The following TBXA2R variants were observed in gnomAD, a reference collection of about 807,000 sequenced individuals.
TBXA2R encodes prostanoid TP receptor.
A neutral mutation model predicts 15.6 loss-of-function variants in TBXA2R; 15 were observed. The observed-to-expected ratio is 0.96, with a 90% CI of 0.64 to 1.48. The LOEUF (loss-of-function observed/expected upper bound fraction) is 1.48. Ranked by LOEUF, TBXA2R falls within the 40% of genes most tolerant of loss-of-function variation. The probability of loss-of-function intolerance (pLI) is 0.00; values close to 1 mark genes in which losing one functional copy is unlikely to be tolerated. For synonymous variants in TBXA2R, 280 were observed against 241.2 expected (o/e 1.16, Z -1.49); for missense variants, 506 against 491.4 (o/e 1.03, Z -0.28).
Position 3,597,231 on chromosome 19 carries a change from C to T in TBXA2R, c.787-1298G>A, listed in dbSNP as rs547787878. 1.5e-3 allele frequency among the ~76,000 whole-genome samples: 230 copies of T among 151,256 alleles called. 3 individuals are homozygous for T. The South Asian group carries it at 0.023, about 15-fold the overall frequency. ...TGCTGGGATTACAGGCATGAGCCAC[C>T]GCGCCTGGCAGGAAATTTTTAAACT... On this transcript the variant is annotated intron_variant, in intron 2 of 2. Coordinates refer to ENST00000375190, the MANE Select transcript of TBXA2R (RefSeq NM_001060.6).
Position 3,595,677 on chromosome 19 carries a change from C to G in TBXA2R, c.*11G>C, listed in dbSNP as rs201311763. The G allele has an allele frequency of 6.4e-7, 1 of 1,572,330 alleles. No homozygotes were observed. Among genetic ancestry groups the G allele is most frequent in the Non-Finnish European group, 8.6e-7 (1 of 1,158,432 alleles). On this transcript the variant is annotated 3_prime_UTR_variant, in exon 3 of 3. Coordinates refer to ENST00000375190, the MANE Select transcript of TBXA2R (RefSeq NM_001060.6). ...CGCGGAAAGGCGCGGGAGGGGCGCT[C>G]TGTCCACTTCCTACTGCAGCCCGGA...
In TBXA2R at chr19:3,599,856, G is replaced by A. The variant is rs1407293717; in HGVS notation, c.779C>T (p.Pro260Leu). 5.8e-6 allele frequency: 9 copies of A among 1,548,936 alleles called. No homozygotes were observed. In the Admixed American group the frequency reaches 5.9e-5, roughly 10 times the overall value. ...IMVVASVCWL[P>L]LLVFIAQTVL... ...CGCAGAGCCCCTACTCACCAGAAGG[G>A]GCAGCCAACACACGCTGGCCACCAC... The change falls in exon 2 of 3, where the codon CCC becomes CTC. Residue 260 changes from proline (P) to leucine (L), a missense_variant. Transcript: ENST00000375190.
rs2032577366 is a variant in TBXA2R at position 3,595,375 on chromosome 19, T to A, written c.*313A>T. 7.3e-7 allele frequency: 1 copy of A among 1,369,794 alleles called. No homozygotes were observed. The highest frequency in any genetic ancestry group is 1.5e-5 in the African/African-American group (1 of 68,456). 84.9% of individuals were successfully genotyped at this position (1,369,794 alleles called of 1,614,324 possible). A position where few individuals can be genotyped will look rare whatever the true frequency, so the allele number is the denominator to read the frequency against. ...GCCTGGGGGACAGAGCAAGACTCCG[T>A]CTAAAAAAAAAAATAGCAATGCAAG... On this transcript the variant is annotated 3_prime_UTR_variant, in exon 3 of 3. Coordinates refer to ENST00000375190, the MANE Select transcript of TBXA2R (RefSeq NM_001060.6).
Position 3,598,345 on chromosome 19 carries a change from C to CTTT in TBXA2R, c.786+1501_786+1503dup, listed in dbSNP as rs1300020033. Among the ~76,000 whole-genome samples, 287 of 115,362 alleles carry CTTT rather than the reference C, an allele frequency of 2.5e-3. 14 individuals carry two copies. Among genetic ancestry groups the CTTT allele is most frequent in the African/African-American group, 7.9e-3 (218 of 27,762 alleles). 75.7% of individuals were successfully genotyped at this position (115,362 alleles called of 152,430 possible). A position where few individuals can be genotyped will look rare whatever the true frequency, so the allele number is the denominator to read the frequency against. ...TTTCTTTTCTTTCTTTCTTTCTTTT[C>CTTT]TTTTCTTTTTTTTTTTTTTTTTTGA... On this transcript the variant is annotated intron_variant, in intron 2 of 2. Coordinates refer to ENST00000375190, the MANE Select transcript of TBXA2R (RefSeq NM_001060.6).
intron 1 of TBXA2R, among the ~76,000 whole-genome samples, 185 bp from the exon 2 acceptor site, chr19:3,600,902 C>T (rs1198210381): frequency 1.4e-5 from 2 of 141,896 alleles, no homozygotes; most frequent in African/African-American, 5.5e-5. Flanking sequence ...AATCAAGGCT[C>T]ACTGCAGCCT....
At chr19:3,598,835 AT>A (rs2039480628) in intron 2 of TBXA2R, among the ~76,000 whole-genome samples, 1 of 151,606 alleles carries the variant, frequency 6.6e-6, no homozygotes, top group African/African-American at 2.4e-5. Context: ...CGCCCGGCTA[AT>A]TTTTTGTATT....
Position 3,600,735 on chromosome 19 carries a change from A to G in TBXA2R, c.-83-18T>C. Reference sequence around the variant, plus strand: ...AGGCACACCTGGGAGGCGAGAGAAGATTTGCTTGTGATTAATTCTGCATTT... The same window carrying G: ...AGGCACACCTGGGAGGCGAGAGAAGGTTTGCTTGTGATTAATTCTGCATTT... On this transcript the variant is annotated intron_variant, in intron 1 of 2. Transcript: ENST00000375190. 3 of 1,369,118 alleles carry G rather than the reference A, an allele frequency of 2.2e-6. No homozygotes were observed. The highest frequency in any genetic ancestry group is 3.0e-6 in the Non-Finnish European group (3 of 988,418). 84.8% of individuals were successfully genotyped at this position (1,369,118 alleles called of 1,614,324 possible). A position where few individuals can be genotyped will look rare whatever the true frequency, so the allele number is the denominator to read the frequency against.
intron 1 of TBXA2R, among the ~76,000 whole-genome samples, chr19:3,602,752 C>T (rs2032760967): frequency 7.5e-6 from 1 of 132,810 alleles, no homozygotes; most frequent in Non-Finnish European, 1.6e-5. Context: ...AAGAGCAAAA[C>T]TCCGTCTCAA....
In TBXA2R at chr19:3,594,850, A is replaced by T; in HGVS notation, c.*838T>A. 1 of 1,536,896 alleles carries T rather than the reference A, an allele frequency of 6.5e-7. No homozygotes were observed. Among genetic ancestry groups the T allele is most frequent in the Non-Finnish European group, 8.7e-7 (1 of 1,146,788 alleles). ...CCCGTTCACATTCAATCCTTTCTGGACAGAGCCTTCCCTGTTGGAGGTTCA... is the reference window on the plus strand; with the variant it reads ...CCCGTTCACATTCAATCCTTTCTGGTCAGAGCCTTCCCTGTTGGAGGTTCA... On this transcript the variant is annotated 3_prime_UTR_variant, in exon 3 of 3. Coordinates refer to ENST00000375190, the MANE Select transcript of TBXA2R (RefSeq NM_001060.6).
chr19:3,595,836 CG>C lies in TBXA2R; in HGVS notation c.883del (p.Arg295AlafsTer75). 1 of 1,611,702 alleles carries C rather than the reference CG, an allele frequency of 6.2e-7. No homozygotes were observed. The highest frequency in any genetic ancestry group is 8.5e-7 in the Non-Finnish European group (1 of 1,179,260). On this transcript the variant is annotated frameshift_variant, in exon 3 of 3. Coordinates refer to ENST00000375190, the MANE Select transcript of TBXA2R (RefSeq NM_001060.6). LOFTEE classifies it low-confidence loss of function (END_TRUNC). ...TTEKELLIYL[R>X]VATWNQILDP... Reference sequence around the variant, plus strand: ...CAGGATCTGGTTCCAGGTGGCCACGCGCAAGTAGATGAGCAGCTCCTTCTCC... The same window carrying C: ...CAGGATCTGGTTCCAGGTGGCCACGCCAAGTAGATGAGCAGCTCCTTCTCC...
intron 2 of TBXA2R, among the ~76,000 whole-genome samples, chr19:3,599,378 G>A (rs1366703199): frequency 2.0e-5 from 3 of 150,254 alleles, no homozygotes; most frequent in Middle Eastern, 3.5e-3. Context: ...CGCCCAGGCT[G>A]GAGTGCAGTG....
intron 1 of TBXA2R, among the ~76,000 whole-genome samples, chr19:3,604,638 C>CCG (rs938147675): frequency 6.6e-6 from 1 of 152,086 alleles, no homozygotes; most frequent in Admixed American, 6.5e-5. Context: ...CCCTGATCTG[C>CCG]CGTGGCCAGG....
At chr19:3,600,953 CA>C (rs2032727728) in intron 1 of TBXA2R, among the ~76,000 whole-genome samples, 1 of 151,404 alleles carries the variant, frequency 6.6e-6, no homozygotes, top group Admixed American at 6.6e-5. Flanking sequence ...CTCAGCCTCC[CA>C]AATAGCTGGG....
At chr19:3,604,300 A>G (rs990349428) in intron 1 of TBXA2R, among the ~76,000 whole-genome samples, 1 of 152,104 alleles carries the variant, frequency 6.6e-6, no homozygotes, top group African/African-American at 2.4e-5. Flanking sequence ...CTGACAGGGT[A>G]TCCGGCTTGC....
rs2032689646 is a variant in TBXA2R, at chr19:3,600,035, G to C, written c.600C>G (p.Phe200Leu). 1 of 1,612,456 alleles carries C rather than the reference G, an allele frequency of 6.2e-7. No individual in the cohort carries two copies. The highest frequency in any genetic ancestry group is 1.3e-5 in the African/African-American group (1 of 74,922). Reference protein sequence around the residue: ...ESGDVAFGLLFSMLGGLSVGL... With the variant: ...ESGDVAFGLLLSMLGGLSVGL... ...CGACCGAGAGGCCGCCCAGCATGGAGAAGAGCAGCCCGAAGGCCACGTCCC... is the reference window on the plus strand; with the variant it reads ...CGACCGAGAGGCCGCCCAGCATGGACAAGAGCAGCCCGAAGGCCACGTCCC... The change falls in exon 2 of 3, where the codon TTC becomes TTG. Residue 200 changes from phenylalanine (F) to leucine (L), a missense_variant. Phe to Leu is a conservative substitution (Grantham distance 22, BLOSUM62 0). Transcript: ENST00000375190.
At chr19:3,602,832 C>T (rs1019066204) in intron 1 of TBXA2R, among the ~76,000 whole-genome samples, 11 of 151,002 alleles carry the variant, frequency 7.3e-5, no homozygotes, top group African/African-American at 2.2e-4. Flanking sequence ...GTCAGGAGAT[C>T]GAGACCATCC....
rs2145282533 is a variant in TBXA2R, at chr19:3,594,917, G to C, written c.*771C>G. 6.5e-7 allele frequency: 1 copy of C among 1,536,680 alleles called. No homozygotes were observed. Among genetic ancestry groups the C allele is most frequent in the Non-Finnish European group, 8.7e-7 (1 of 1,146,854 alleles). Reference sequence around the variant, plus strand: ...CCCCAGCAAGTAGGTCAAATTCAGGGTCAAAGAGCATGCAAGGCCGGGCGC... The same window carrying C: ...CCCCAGCAAGTAGGTCAAATTCAGGCTCAAAGAGCATGCAAGGCCGGGCGC... On this transcript the variant is annotated 3_prime_UTR_variant, in exon 3 of 3. Transcript: ENST00000375190.
intron 1 of TBXA2R, among the ~76,000 whole-genome samples, chr19:3,601,034 G>A (rs1488047784): frequency 6.6e-6 from 1 of 151,820 alleles, no homozygotes; most frequent in South Asian, 2.1e-4. Flanking sequence ...GATTACAGGC[G>A]TGAGCCACCG....
In TBXA2R at chr19:3,600,374, G is replaced by C. The variant is rs764883906; in HGVS notation, c.261C>G (p.Ser87=). The C allele has an allele frequency of 1.2e-6, 2 of 1,613,412 alleles. No individual in the cohort carries two copies. Among genetic ancestry groups the C allele is most frequent in the Non-Finnish European group, 8.5e-7 (1 of 1,179,796 alleles). The change falls in exon 2 of 3, where the codon TCC becomes TCG. Residue 87 remains serine, a synonymous_variant. Coordinates refer to ENST00000375190, the MANE Select transcript of TBXA2R (RefSeq NM_001060.6). ...GCCACTCGAAGAGCGCGGCGTGCTG[G>C]GACACCACGATGGTACCGGTCACCA... ...GLLVTGTIVV[S]QHAALFEWHA...
Sources: gnomAD v4.1 joint callset for allele counts (sites outside exome capture counted in the v4.1 genomes callset) on GRCh38, gnomAD v4.1.1 for gene constraint, MANE v1.5 for transcripts, NCBI Gene and HGNC (gene_info 2026-07-23, HGNC 2026-07-21) for gene names.